NAV2: variants seen among roughly 807,000 people sequenced by gnomAD.
NAV2 encodes the protein neuron navigator 2, also known as helicase, APC down-regulated 1.
In NAV2, 54 loss-of-function variants were observed where a neutral mutation model predicts 223.2. That is an observed-to-expected ratio of 0.24 (90% confidence interval 0.19 to 0.30). NAV2 has a LOEUF of 0.30. NAV2 is among the 10% of genes least tolerant of loss of function. The pLI is 1.00. For synonymous variants in NAV2, 1,279 were observed against 1,239.3 expected, an observed-to-expected ratio of 1.03 and a Z score of -0.67; for missense variants, 2,806 against 3,147.5, an observed-to-expected ratio of 0.89 and a Z score of 2.60.
chr11:19,732,069 C>A (rs1174343410), intron 1 of NAV2, among the ~76,000 whole-genome samples: 1 of 151,912 alleles, frequency 6.6e-6, no homozygotes, highest in African/African-American at 2.4e-5. Context: ...GCCAACATGG[C>A]AAAACCCCAT....
intron 22 of NAV2, among the ~76,000 whole-genome samples, chr11:20,071,689 T>A (rs1477027729): frequency 6.6e-6 from 1 of 152,232 alleles, no homozygotes; most frequent in Non-Finnish European, 1.5e-5. Context: ...ATTGTGGTTT[T>A]GATTTGCATT....
intron 1 of NAV2, among the ~76,000 whole-genome samples, chr11:19,791,397 G>A (rs1454355219): frequency 6.6e-6 from 1 of 152,124 alleles, no homozygotes; most frequent in African/African-American, 2.4e-5. Flanking sequence ...AACACGTCAA[G>A]CCCGCCAAGT....
intron 37 of NAV2, among the ~76,000 whole-genome samples, chr11:20,116,179 A>G (rs112197591): frequency 7.9e-5 from 12 of 152,360 alleles, no homozygotes; most frequent in African/African-American, 1.9e-4. Context: ...ACCTAATGAA[A>G]GAAAATATTA....
In NAV2 at chr11:20,107,650, A is replaced by C; in HGVS notation, c.6842-14A>C. Reference sequence around the variant, plus strand: ...CCCATTTGAGTGCTAATGTATTTTCACTGTGGTCTCCAGGCCCCCGGCTCT... The same window carrying C: ...CCCATTTGAGTGCTAATGTATTTTCCCTGTGGTCTCCAGGCCCCCGGCTCT... On this transcript the variant is annotated splice_polypyrimidine_tract_variant and intron_variant, in intron 35 of 37. Transcript: ENST00000349880. The C allele has an allele frequency of 1.2e-6, 2 of 1,604,316 alleles. No individual in the cohort carries two copies. Among genetic ancestry groups the C allele is most frequent in the Non-Finnish European group, 1.7e-6 (2 of 1,171,286 alleles).
intron 5 of NAV2, among the ~76,000 whole-genome samples, chr11:19,883,274 A>AT (rs936029728): frequency 7.2e-5 from 11 of 151,822 alleles, no homozygotes; most frequent in Middle Eastern, 3.4e-3. Context: ...AAAATCTGAG[A>AT]TTTTTTTTTG....
intron 3 of NAV2, among the ~76,000 whole-genome samples, chr11:19,843,126 T>G (rs2060595675): frequency 6.6e-6 from 1 of 152,188 alleles, no homozygotes. Context: ...GATTTTTATG[T>G]AGATTGTGAG....
intron 1 of NAV2, chr11:19,503,680 A>G (rs1218714600): frequency 1.3e-5 from 2 of 152,214 alleles, no homozygotes; most frequent in African/African-American, 2.4e-5. Context: ...ACGTACCACA[A>G]TGGATACAGT....
intron 26 of NAV2, among the ~76,000 whole-genome samples, chr11:20,084,128 T>C (rs2060267648): frequency 6.6e-6 from 1 of 152,190 alleles, no homozygotes; most frequent in South Asian, 2.1e-4. Flanking sequence ...GATGGAGTCT[T>C]GCTCTGTTGC....
intron 13 of NAV2, 58 bp from the exon 14 acceptor site, chr11:20,044,910 A>C: frequency 2.8e-6 from 4 of 1,446,410 alleles, no homozygotes; most frequent in Non-Finnish European, 3.8e-6. Context: ...TCTTAAACAG[A>C]CGAGATGGAT....
chr11:19,492,155 A>G (rs1410144661), intron 1 of NAV2, among the ~76,000 whole-genome samples: 1 of 152,198 alleles, frequency 6.6e-6, no homozygotes, highest in Non-Finnish European at 1.5e-5. Flanking sequence ...ATAATAATGA[A>G]AATGTTTGAA....
chr11:19,839,563 A>G (rs1457829405), intron 2 of NAV2, among the ~76,000 whole-genome samples: 1 of 152,168 alleles, frequency 6.6e-6, no homozygotes, highest in African/African-American at 2.4e-5. Flanking sequence ...ATGATCTACT[A>G]CCATTATGTG....
intron 1 of NAV2, among the ~76,000 whole-genome samples, chr11:19,691,214 A>G (rs193151863): frequency 1.3e-5 from 2 of 152,124 alleles, no homozygotes; most frequent in Admixed American, 1.3e-4. Flanking sequence ...AAGGCAAGCC[A>G]TGTATGTAGT....
chr11:19,721,402 T>C (rs796090411), intron 1 of NAV2, among the ~76,000 whole-genome samples: 2 of 152,228 alleles, frequency 1.3e-5, no homozygotes, highest in South Asian at 4.1e-4. Flanking sequence ...CTAAACGTCA[T>C]TGTTGAGTGT....
chr11:19,794,901 A>G (rs1032660412), intron 1 of NAV2, among the ~76,000 whole-genome samples: 4 of 152,228 alleles, frequency 2.6e-5, no homozygotes, highest in African/African-American at 7.2e-5. Flanking sequence ...CCAGGAATAT[A>G]TATATCTCGA....
In NAV2 at chr11:19,598,096, C is replaced by T. The variant is rs976306695; in HGVS notation, c.76-234388C>T. On this transcript the variant is annotated intron_variant, in intron 1 of 37. Coordinates refer to the NAV2 transcript ENST00000360655. The stretch of plus-strand genomic sequence containing the variant: ...TGACCAGCTCAGAGGCAGATGCCGC[C>T]GCCCCCTGACAGTGACAGGCACAGC... 2.0e-5 allele frequency among the ~76,000 whole-genome samples: 3 copies of T among 152,352 alleles called. No individual in the cohort carries two copies. In the South Asian group the frequency reaches 6.2e-4, roughly 32 times the overall value.
chr11:20,079,165 T>C (rs1304450105), intron 24 of NAV2, among the ~76,000 whole-genome samples: 1 of 152,196 alleles, frequency 6.6e-6, no homozygotes, highest in Non-Finnish European at 1.5e-5. Flanking sequence ...CTCCACCTCC[T>C]GAGTAGCTGG....
At chr11:19,545,558 G>T (rs2044472382) in intron 1 of NAV2, among the ~76,000 whole-genome samples, 1 of 152,188 alleles carries the variant, frequency 6.6e-6, no homozygotes, top group Non-Finnish European at 1.5e-5. Context: ...AGACAATGTA[G>T]CTTGGAGTGA....
intron 1 of NAV2, among the ~76,000 whole-genome samples, chr11:19,530,863 G>T (rs551166782): frequency 3.3e-5 from 5 of 152,192 alleles, no homozygotes; most frequent in Admixed American, 6.5e-5. Flanking sequence ...AATCTGCCAA[G>T]TCCCACAGCC....
At chr11:20,054,804 C>T (rs2058262889) in intron 18 of NAV2, among the ~76,000 whole-genome samples, 1 of 152,222 alleles carries the variant, frequency 6.6e-6, no homozygotes, top group South Asian at 2.1e-4. Context: ...ATTTGTGTCA[C>T]AGTCCCTGCT....
Sources: allele counts gnomAD v4.1 joint callset (sites outside exome capture counted in the v4.1 genomes callset), GRCh38; gene constraint gnomAD v4.1.1; transcripts MANE v1.5; gene names NCBI Gene and HGNC (gene_info 2026-07-23, HGNC 2026-07-21).